The following EEFSEC variants were observed in gnomAD, a reference collection of about 807,000 sequenced individuals.
The protein encoded by EEFSEC is eukaryotic elongation factor, selenocysteine-tRNA specific, also known as selenocysteine-specific elongation factor.
In EEFSEC, 43 loss-of-function variants were observed where a neutral mutation model predicts 42.1. The ratio of observed to expected loss-of-function variants is 1.02; its 90% CI spans 0.80 to 1.32. EEFSEC has a LOEUF of 1.32. Among genes scored for constraint, EEFSEC ranks in the 40% most tolerant of loss-of-function variants. The pLI is 0.00. For synonymous variants in EEFSEC, 354 were observed against 339.1 expected (o/e 1.04, Z -0.48); for missense variants, 745 against 803.6 (o/e 0.93, Z 0.88).
intron 1 of EEFSEC, among the ~76,000 whole-genome samples, chr3:128,167,890 G>C (rs1410898187): frequency 6.6e-6 from 1 of 152,178 alleles, no homozygotes; most frequent in Non-Finnish European, 1.5e-5. Context: ...GCTTGACCCT[G>C]GTTGTTTAAA....
intron 6 of EEFSEC, among the ~76,000 whole-genome samples, chr3:128,389,227 C>T (rs2067879009): frequency 6.6e-6 from 1 of 152,258 alleles, no homozygotes; most frequent in South Asian, 2.1e-4. Flanking sequence ...TGCTGACACT[C>T]ACCCGAGGAC....
downstream of EEFSEC, among the ~76,000 whole-genome samples, chr3:128,412,719 TG>T (rs1358595931): frequency 2.0e-5 from 3 of 152,208 alleles, no homozygotes. Context: ...AGCATTTGAC[TG>T]ATAACGGGGT....
chr3:128,210,188 T>G (rs1399974774), intron 1 of EEFSEC, among the ~76,000 whole-genome samples: 1 of 152,162 alleles, frequency 6.6e-6, no homozygotes, highest in Non-Finnish European at 1.5e-5. Context: ...CGTTATTTAG[T>G]AGAGAGAATG....
intron 2 of EEFSEC, among the ~76,000 whole-genome samples, chr3:128,257,143 G>C (rs1199876274): frequency 1.3e-5 from 2 of 152,218 alleles, no homozygotes; most frequent in Admixed American, 6.5e-5. Flanking sequence ...GGCAGCAACT[G>C]TGATCATTCT....
At chr3:128,424,501 C>T in the EEFSEC span, among the ~76,000 whole-genome samples, 64 of 152,074 alleles carry the variant, frequency 4.2e-4, no homozygotes, top group Non-Finnish European at 7.9e-4. Context: ...CCTGCCTCAG[C>T]CTCCTGAGTA....
chr3:128,250,705 T>C (rs972448051), intron 2 of EEFSEC, among the ~76,000 whole-genome samples: 1 of 152,114 alleles, frequency 6.6e-6, no homozygotes, highest in Non-Finnish European at 1.5e-5. Flanking sequence ...TTCAAGATTG[T>C]TTTGGCTATC....
intron 1 of EEFSEC, among the ~76,000 whole-genome samples, chr3:128,157,751 C>A (rs1576504531): frequency 1.3e-5 from 2 of 152,216 alleles, no homozygotes; most frequent in East Asian, 3.8e-4. Flanking sequence ...TGCACCTGGT[C>A]ACCTAATGGC....
intron 1 of EEFSEC, among the ~76,000 whole-genome samples, chr3:128,236,223 C>A (rs190246161): frequency 5.9e-5 from 9 of 152,328 alleles, no homozygotes; most frequent in Admixed American, 5.9e-4. Flanking sequence ...AATCTGCCTG[C>A]CTTGGCCTCC....
At chr3:128,277,578 C>T (rs1385833258) in intron 4 of EEFSEC, among the ~76,000 whole-genome samples, 2 of 152,230 alleles carry the variant, frequency 1.3e-5, no homozygotes, top group Non-Finnish European at 2.9e-5. Flanking sequence ...ACAGCTGTGG[C>T]TCCCCTGCCC....
intron 6 of EEFSEC, among the ~76,000 whole-genome samples, chr3:128,361,360 G>A (rs1576671431): frequency 6.6e-6 from 1 of 152,170 alleles, no homozygotes; most frequent in Non-Finnish European, 1.5e-5. Context: ...ATATGGGAAC[G>A]TAGGCCTGGG....
At position 128,180,333 on chromosome 3, in the gene EEFSEC, G is replaced by T. The variant is rs145648206; in HGVS notation, c.316+26510G>T. On this transcript the variant is annotated intron_variant, in intron 1 of 6. Coordinates refer to ENST00000254730, the MANE Select transcript of EEFSEC (RefSeq NM_021937.5). ...ATGATTTCCTGACCATAATGACCTG[G>T]CCAGGGGAACAGCTATTCCTTTGAC... 4.6e-3 allele frequency among the ~76,000 whole-genome samples: 697 copies of T among 152,216 alleles called. 4 individuals are homozygous for T. The highest frequency in any genetic ancestry group is 0.015 in the African/African-American group (613 of 41,526).
At chr3:128,324,483 T>C (rs1489007941) in intron 4 of EEFSEC, among the ~76,000 whole-genome samples, 1 of 152,208 alleles carries the variant, frequency 6.6e-6, no homozygotes, top group Non-Finnish European at 1.5e-5. Context: ...CCAGGTCCCA[T>C]GGAAAATACA....
chr3:128,253,788 G>A (rs1242066694), intron 2 of EEFSEC, among the ~76,000 whole-genome samples: 1 of 152,120 alleles, frequency 6.6e-6, no homozygotes, highest in Admixed American at 6.5e-5. Flanking sequence ...AGTGTGTCAT[G>A]TCTGAGCTAC....
At chr3:128,253,191 A>G (rs1222916497) in intron 2 of EEFSEC, among the ~76,000 whole-genome samples, 2 of 152,336 alleles carry the variant, frequency 1.3e-5, no homozygotes, top group South Asian at 2.1e-4. Context: ...TTGAATTTCC[A>G]AAAGCTTTAT....
chr3:128,164,233 C>T (rs937579682), intron 1 of EEFSEC, among the ~76,000 whole-genome samples: 17 of 152,186 alleles, frequency 1.1e-4, no homozygotes, highest in Admixed American at 1.3e-4. Flanking sequence ...TTGTTTTGGA[C>T]GTGAGGGCAG....
intron 1 of EEFSEC, among the ~76,000 whole-genome samples, chr3:128,172,496 G>T (rs1267060230): frequency 6.6e-6 from 1 of 152,182 alleles, no homozygotes; most frequent in Non-Finnish European, 1.5e-5. Context: ...CCAAGCGCTT[G>T]CTGTGTTGCG....
the EEFSEC span, among the ~76,000 whole-genome samples, chr3:128,414,977 G>A: frequency 6.6e-6 from 1 of 152,176 alleles, no homozygotes; most frequent in Non-Finnish European, 1.5e-5. Flanking sequence ...CAGACTTAGG[G>A]GATCCAGGGT....
chr3:128,339,731 G>A (rs1284215148), intron 4 of EEFSEC, among the ~76,000 whole-genome samples: 1 of 152,108 alleles, frequency 6.6e-6, no homozygotes, highest in African/African-American at 2.4e-5. Context: ...CCGTTTTCAC[G>A]CTGCTGATAA....
intron 6 of EEFSEC, among the ~76,000 whole-genome samples, chr3:128,403,300 G>GCAGC (rs1299527234): frequency 6.6e-6 from 1 of 152,216 alleles, no homozygotes; most frequent in African/African-American, 2.4e-5. Context: ...GTGCAGAAGG[G>GCAGC]CAGCGAGGAG....
Sources: allele counts gnomAD v4.1 joint callset (sites outside exome capture counted in the v4.1 genomes callset), GRCh38; gene constraint gnomAD v4.1.1; transcripts MANE v1.5; gene names NCBI Gene and HGNC (gene_info 2026-07-23, HGNC 2026-07-21).